The following MED13L variants were observed in gnomAD, a reference collection of about 807,000 sequenced individuals.
MED13L encodes the protein mediator of RNA polymerase II transcription subunit 13-like.
In MED13L, 7 loss-of-function variants were observed where a neutral mutation model predicts 220.9. The ratio of observed to expected loss-of-function variants is 0.03; its 90% CI spans 0.02 to 0.06. MED13L has a LOEUF of 0.06. Ranked by LOEUF, MED13L falls within the 10% of genes least tolerant of loss-of-function variation. The pLI is 1.00. For synonymous variants in MED13L, 1,011 were observed against 1,015.2 expected (o/e 1.00, Z 0.08); for missense variants, 1,965 against 2,760.5 (o/e 0.71, Z 6.46).
intron 1 of MED13L, among the ~76,000 whole-genome samples, chr12:116,251,982 C>T (rs1042131228): frequency 2.6e-5 from 4 of 151,384 alleles, no homozygotes; most frequent in African/African-American, 9.7e-5. Context: ...GTCAATTCTT[C>T]AAGAAAACAT....
intron 2 of MED13L, among the ~76,000 whole-genome samples, chr12:116,179,851 T>C (rs1048771683): frequency 2.0e-5 from 3 of 152,118 alleles, no homozygotes; most frequent in Admixed American, 1.3e-4. Flanking sequence ...TAGTAGTTGT[T>C]TGCCCAAATA....
In MED13L at chr12:116,019,941, C is replaced by T. The variant is rs1383216225; in HGVS notation, c.657G>A (p.Thr219=). The T allele has an allele frequency of 6.8e-6, 11 of 1,613,534 alleles. No individual in the cohort carries two copies. Among genetic ancestry groups the T allele is most frequent in the Admixed American group, 3.3e-5 (2 of 59,912 alleles). The part of the protein sequence containing the change: ...VLVSPYGLNG[T]LTGQAYKMSD... ...ACATCTTGTATGCTTGGCCTGTTAG[C>T]GTCCCATTTAAGCCATAAGGACTTA... The change falls in exon 6 of 31, where the codon ACG becomes ACA. Residue 219 remains threonine (T), a synonymous_variant. Coordinates refer to ENST00000281928, the MANE Select transcript of MED13L (RefSeq NM_015335.5).
intron 25 of MED13L, chr12:115,972,514 C>G (rs1876659081): frequency 2.4e-6 from 1 of 420,110 alleles, no homozygotes; most frequent in African/African-American, 2.0e-5. Flanking sequence ...TCTACCTAGA[C>G]CAGATTTAGG....
At chr12:116,179,540 C>T (rs76050583) in intron 2 of MED13L, among the ~76,000 whole-genome samples, 2,908 of 148,810 alleles carry the variant, frequency 0.02, 54 homozygotes, top group Middle Eastern at 0.056. Context: ...GCACGTGAAC[C>T]GAGAAAATAG....
intron 16 of MED13L, among the ~76,000 whole-genome samples, chr12:115,992,632 T>A (rs922582695): frequency 7.9e-5 from 12 of 152,202 alleles, no homozygotes; most frequent in Non-Finnish European, 1.8e-4. Context: ...AAATATTACA[T>A]ATGCGGCTAA....
At position 115,997,182 on chromosome 12, in the gene MED13L, T is replaced by C; in HGVS notation, c.2618A>G (p.Gln873Arg). The change falls in exon 15 of 31, where the codon CAG becomes CGG. Residue 873 changes from glutamine (Q) to arginine (R), a missense_variant. By Grantham distance (43) the Gln-to-Arg change is conservative. This residue lies in a region of MED13L where 9 missense variants were observed against 39.6 expected (regional missense o/e 0.23). Transcript: ENST00000281928. ...RMFPTPPSLE[Q>R]HPAFSPVMNY... ...CATCACAGGAGAAAATGCAGGATGC[T>C]GTTCCAAAGATGGTGGAGTGGGAAA... The C allele has an allele frequency of 6.2e-7, 1 of 1,614,132 alleles. No individual in the cohort carries two copies. Among genetic ancestry groups the C allele is most frequent in the Non-Finnish European group, 8.5e-7 (1 of 1,180,010 alleles).
rs769179538 is a variant in MED13L, at chr12:115,991,164, C to G, written c.3790G>C (p.Val1264Leu). The G allele has an allele frequency of 1.9e-6, 3 of 1,614,182 alleles. No individual in the cohort carries two copies. The highest frequency in any genetic ancestry group is 2.5e-6 in the Non-Finnish European group (3 of 1,180,028). ...CAGTAATCATTATTATCTGCTTGCACCCGGTCATAACTCCAGCTTACACAG... is the reference window on the plus strand; with the variant it reads ...CAGTAATCATTATTATCTGCTTGCAGCCGGTCATAACTCCAGCTTACACAG... ...LPCVSWSYDRVQADNNDYWTE... is the reference protein window; with the variant it reads ...LPCVSWSYDRLQADNNDYWTE... The change falls in exon 17 of 31, where the codon GTG (valine) becomes CTG (leucine). Residue 1264 changes from valine (V) to leucine (L), a missense_variant. By Grantham distance (32) the Val-to-Leu change is conservative (BLOSUM62 1). Transcript: ENST00000281928. The surrounding 1 kb of genome is among the most constrained non-coding windows in gnomAD (Gnocchi z 7.7).
intron 2 of MED13L, among the ~76,000 whole-genome samples, chr12:116,149,282 C>A (rs1218154116): frequency 6.6e-6 from 1 of 152,092 alleles, no homozygotes; most frequent in Non-Finnish European, 1.5e-5. Flanking sequence ...TAGCTATATA[C>A]AGTTAAGTCT....
intron 2 of MED13L, among the ~76,000 whole-genome samples, chr12:116,159,487 A>G (rs1046199580): frequency 6.6e-6 from 1 of 152,192 alleles, no homozygotes; most frequent in Non-Finnish European, 1.5e-5. Context: ...TTAGACTTAG[A>G]AAGGTGAGCA....
At chr12:116,069,950 G>C (rs1026826319) in intron 4 of MED13L, among the ~76,000 whole-genome samples, 1 of 152,082 alleles carries the variant, frequency 6.6e-6, no homozygotes, top group African/African-American at 2.4e-5. Flanking sequence ...TCCAAAATTT[G>C]AAACACTCCT....
rs1451857229 is a variant in MED13L, at chr12:116,007,141, C to T, written c.2238+270G>A. On this transcript the variant is annotated intron_variant, in intron 11 of 30. Transcript: ENST00000281928. Reference sequence around the variant, plus strand: ...GGGAGCATAGGCCAACAAGAATTAGCATATGAGAGAAAACATGCACTGTAC... The same window carrying T: ...GGGAGCATAGGCCAACAAGAATTAGTATATGAGAGAAAACATGCACTGTAC... 5 of 477,628 alleles carry T rather than the reference C, an allele frequency of 1.0e-5. No individual in the cohort carries two copies. The East Asian group carries it at 1.5e-4, about 15-fold the overall frequency. The allele number at this position is 477,628 out of a possible 1,614,324, so 29.6% of individuals were successfully genotyped here.
intron 1 of MED13L, among the ~76,000 whole-genome samples, chr12:116,275,191 T>C (rs1353968147): frequency 2.0e-5 from 3 of 152,020 alleles, no homozygotes; most frequent in African/African-American, 7.2e-5. Flanking sequence ...CAAAAACCAT[T>C]TTAAATACCC....
intron 4 of MED13L, among the ~76,000 whole-genome samples, chr12:116,057,342 C>T (rs1404982043): frequency 2.0e-5 from 3 of 151,940 alleles, no homozygotes; most frequent in African/African-American, 4.8e-5. Context: ...TAAGCCAGAG[C>T]GAAAATACCA....
chr12:116,219,281 A>G (rs1431829030), intron 2 of MED13L, among the ~76,000 whole-genome samples: 1 of 152,214 alleles, frequency 6.6e-6, no homozygotes, highest in African/African-American at 2.4e-5. Flanking sequence ...AAAGAATTTA[A>G]ATTATATTCA....
intron 4 of MED13L, among the ~76,000 whole-genome samples, chr12:116,089,825 A>G (rs1872033281): frequency 6.6e-6 from 1 of 152,222 alleles, no homozygotes; most frequent in Non-Finnish European, 1.5e-5. Context: ...TGCCATGAAA[A>G]AAGAATGGAA....
chr12:116,006,421 A>G lies in MED13L; in HGVS notation c.2239-10T>C, dbSNP rs1879050454. ...CAAATCCATCCTCTGACTGTATAAT[A>G]AATTCAGCCAAACAAAACACATGAA... On this transcript the variant is annotated splice_polypyrimidine_tract_variant and intron_variant, in intron 11 of 30. Transcript: ENST00000281928. 6.2e-7 allele frequency: 1 copy of G among 1,608,990 alleles called. No homozygotes were observed. Among genetic ancestry groups the G allele is most frequent in the South Asian group, 1.1e-5 (1 of 90,980 alleles).
At chr12:116,101,932 TGAGA>T (rs1214678332) in intron 3 of MED13L, among the ~76,000 whole-genome samples, 3 of 152,198 alleles carry the variant, frequency 2.0e-5, no homozygotes, top group African/African-American at 7.2e-5. Flanking sequence ...TCATTATTAT[TGAGA>T]TTTTCTAAAT....
At chr12:116,002,370 GA>G (rs1878798271) in intron 14 of MED13L, among the ~76,000 whole-genome samples, 1 of 152,188 alleles carries the variant, frequency 6.6e-6, no homozygotes, top group African/African-American at 2.4e-5. Context: ...TGAAGTTAAT[GA>G]GAAGGTGTTA....
In MED13L at chr12:115,980,620, A is replaced by G. The variant is rs955256645; in HGVS notation, c.5364+130T>C. The stretch of plus-strand genomic sequence containing the variant: ...ACTACAGGTGTGAGCCAACACATCC[A>G]GCCTAGCAACTCTTATATCAATGTA... On this transcript the variant is annotated intron_variant, in intron 23 of 30. Transcript: ENST00000281928. 18 of 993,694 alleles carry G rather than the reference A, an allele frequency of 1.8e-5. No individual in the cohort carries two copies. In the Admixed American group the frequency reaches 3.0e-4, roughly 16 times the overall value. 61.6% of individuals were successfully genotyped at this position (993,694 alleles called of 1,614,324 possible).
Sources: allele counts gnomAD v4.1 joint callset (sites outside exome capture counted in the v4.1 genomes callset), GRCh38; gene constraint gnomAD v4.1.1; regional missense constraint gnomAD v4.1.1; non-coding constraint Gnocchi (gnomAD v3.1); transcripts MANE v1.5; gene names NCBI Gene and HGNC (gene_info 2026-07-23, HGNC 2026-07-21).